Variants in RAB3B observed in about 807,000 individuals in gnomAD.
RAB3B encodes RAB3B, member RAS oncogene family, also known as ras-related protein Rab-3B.
A neutral mutation model predicts 20.5 loss-of-function variants in RAB3B; 11 were observed. The ratio of observed to expected loss-of-function variants is 0.54; its 90% CI spans 0.34 to 0.89. The LOEUF (loss-of-function observed/expected upper bound fraction) is 0.89. Among genes scored for constraint, RAB3B ranks in the 40% least tolerant of loss-of-function variants. RAB3B has a pLI of 0.02. For missense variants in RAB3B, 225 were observed against 280.9 expected (o/e 0.80, Z 1.42); for synonymous variants, 99 against 106.3 (o/e 0.93, Z 0.42).
chr1:51,974,827 A>G (rs902166021), intron 2 of RAB3B, among the ~76,000 whole-genome samples: 1 of 152,242 alleles, frequency 6.6e-6, no homozygotes, highest in African/African-American at 2.4e-5. Flanking sequence ...AATAATTTGT[A>G]AAAAGAAAAG....
At chr1:51,974,788 T>C (rs1557976669) in intron 2 of RAB3B, among the ~76,000 whole-genome samples, 2 of 152,260 alleles carry the variant, frequency 1.3e-5, no homozygotes, top group Non-Finnish European at 2.9e-5. Flanking sequence ...ACCTACTTCA[T>C]AGTGTTAATT....
At chr1:51,960,157 A>C (rs922595021) in intron 2 of RAB3B, among the ~76,000 whole-genome samples, 10 of 152,258 alleles carry the variant, frequency 6.6e-5, no homozygotes, top group African/African-American at 2.4e-4. Flanking sequence ...GAAAGGGCAA[A>C]GGAGAGAGCT....
chr1:51,968,877 T>A (rs1466086676), intron 2 of RAB3B, among the ~76,000 whole-genome samples: 1 of 152,226 alleles, frequency 6.6e-6, no homozygotes, highest in Non-Finnish European at 1.5e-5. Flanking sequence ...GTTACTCACA[T>A]CACTGTGGAA....
chr1:51,950,330 A>G (rs1684621116), intron 2 of RAB3B, among the ~76,000 whole-genome samples: 1 of 152,146 alleles, frequency 6.6e-6, no homozygotes, highest in South Asian at 2.1e-4. Flanking sequence ...CACTGTACAC[A>G]TCACATTTGT....
At chr1:51,925,970 G>C (rs1404708301) in intron 4 of RAB3B, among the ~76,000 whole-genome samples, 1 of 152,202 alleles carries the variant, frequency 6.6e-6, no homozygotes, top group Admixed American at 6.5e-5. Flanking sequence ...CCCCTGCTGG[G>C]GGGCCAGCTG....
chr1:51,916,073 C>T lies in RAB3B; in HGVS notation c.*3854G>A, dbSNP rs1684080610. 6.6e-6 allele frequency: 1 copy of T among 152,252 alleles called. No individual in the cohort carries two copies. The highest frequency in any genetic ancestry group is 2.4e-5 in the African/African-American group (1 of 41,462). 9.4% of individuals were successfully genotyped at this position (152,252 alleles called of 1,614,324 possible). ...GACAAGTTGCCACTAACACATATTA[C>T]ACAGCTTGAACCTTGGTGGCTAATT... On this transcript the variant is annotated 3_prime_UTR_variant, in exon 5 of 5. Coordinates refer to ENST00000371655, the MANE Select transcript of RAB3B (RefSeq NM_002867.4).
In RAB3B at chr1:51,933,336, G is replaced by A. The variant is rs758415717; in HGVS notation, c.454C>T (p.Leu152Phe). 1.7e-5 allele frequency: 27 copies of A among 1,613,890 alleles called. No individual in the cohort carries two copies. Among genetic ancestry groups the A allele is most frequent in the Admixed American group, 6.7e-5 (4 of 59,986 alleles). ...TACATACCAAGCTGCTCTGCAAGGAGCTGGCCCTTCTCAGTGGGAACAACC... is the reference window on the plus strand; with the variant it reads ...TACATACCAAGCTGCTCTGCAAGGAACTGGCCCTTCTCAGTGGGAACAACC... ...ERVVPTEKGQ[L>F]LAEQLGFDFF... Residue 152 changes from leucine to phenylalanine, a missense_variant, in exon 4 of 5, where the codon CTC (leucine) becomes TTC (phenylalanine). Transcript: ENST00000371655.
Position 51,959,747 on chromosome 1 carries a change from T to C in RAB3B, c.228+17143A>G, listed in dbSNP as rs929372135. 2.6e-5 allele frequency among the ~76,000 whole-genome samples: 4 copies of C among 152,152 alleles called. No homozygotes were observed. In the East Asian group the frequency reaches 7.7e-4, roughly 29 times the overall value. The stretch of plus-strand genomic sequence containing the variant: ...ATAAACTAGGGATGTTAGCTAATAA[T>C]AGTATATCGATATTGGTTAATTATA... On this transcript the variant is annotated intron_variant, in intron 2 of 4. Transcript: ENST00000371655.
intron 2 of RAB3B, among the ~76,000 whole-genome samples, chr1:51,975,789 C>T (rs996359504): frequency 3.3e-5 from 5 of 152,022 alleles, no homozygotes; most frequent in Non-Finnish European, 5.9e-5. Context: ...GTCAGGAGTT[C>T]GAGACCAGCC....
intron 2 of RAB3B, among the ~76,000 whole-genome samples, chr1:51,954,507 G>A (rs967334828): frequency 6.6e-6 from 1 of 152,164 alleles, no homozygotes; most frequent in African/African-American, 2.4e-5. Flanking sequence ...AGTAAGCACT[G>A]GCAGTTGCTA....
chr1:51,950,483 C>T (rs1365352425), intron 2 of RAB3B, among the ~76,000 whole-genome samples: 1 of 152,184 alleles, frequency 6.6e-6, no homozygotes, highest in Non-Finnish European at 1.5e-5. Flanking sequence ...AAAAGAAACT[C>T]AAGGGCTGAC....
intron 2 of RAB3B, among the ~76,000 whole-genome samples, chr1:51,946,798 CTTATT>C (rs1213197482): frequency 1.3e-5 from 2 of 152,250 alleles, no homozygotes; most frequent in Admixed American, 6.5e-5. Context: ...AGGCACCTTT[CTTATT>C]TTATTTTATT....
intron 4 of RAB3B, among the ~76,000 whole-genome samples, chr1:51,925,531 TC>T (rs1461896165): frequency 6.6e-6 from 1 of 152,138 alleles, no homozygotes; most frequent in East Asian, 1.9e-4. Context: ...TGGTCTCTAC[TC>T]CCCCAGCTTC....
At chr1:51,973,982 T>C (rs1205134804) in intron 2 of RAB3B, among the ~76,000 whole-genome samples, 1 of 152,176 alleles carries the variant, frequency 6.6e-6, no homozygotes, top group East Asian at 1.9e-4. Context: ...GCTCTAATAA[T>C]TTCTTCAGTT....
intron 1 of RAB3B, among the ~76,000 whole-genome samples, chr1:51,979,288 G>C (rs1469237963): frequency 6.8e-5 from 9 of 133,194 alleles, no homozygotes; most frequent in African/African-American, 2.6e-4. Context: ...TTTTTTTTCT[G>C]AGATGGAGTC....
chr1:51,953,175 T>A (rs1557970463), intron 2 of RAB3B, among the ~76,000 whole-genome samples: 2 of 152,188 alleles, frequency 1.3e-5, no homozygotes, highest in East Asian at 1.9e-4. Context: ...AAATTTAGCA[T>A]CAGAGTTGCC....
rs1684119252 is a variant in RAB3B at position 51,918,493 on chromosome 1, T to C, written c.*1434A>G. 1 of 152,150 alleles carries C rather than the reference T, an allele frequency of 6.6e-6. No homozygotes were observed. Among genetic ancestry groups the C allele is most frequent in the African/African-American group, 2.4e-5 (1 of 41,418 alleles). 9.4% of individuals were successfully genotyped at this position (152,150 alleles called of 1,614,324 possible). A position where few individuals can be genotyped will look rare whatever the true frequency, so the allele number is the denominator to read the frequency against. ...CACAGGGCAGAGGGAGCACAGACTG[T>C]GAAGTCTCTGACAGCAGAGCTGGTA... On this transcript the variant is annotated 3_prime_UTR_variant, in exon 5 of 5. Transcript: ENST00000371655.
intron 2 of RAB3B, among the ~76,000 whole-genome samples, chr1:51,962,752 C>T (rs569316768): frequency 1.5e-4 from 23 of 152,274 alleles, no homozygotes; most frequent in African/African-American, 5.5e-4. Flanking sequence ...CTCATCCGAA[C>T]GTTTCTTTTA....
chr1:51,922,675 T>C (rs1219105808), intron 4 of RAB3B, among the ~76,000 whole-genome samples: 1 of 122,078 alleles, frequency 8.2e-6, no homozygotes, highest in Non-Finnish European at 1.7e-5. Flanking sequence ...AAGCCAGGTC[T>C]TTTTTTTTTT....
Sources: gnomAD v4.1 joint callset for allele counts (sites outside exome capture counted in the v4.1 genomes callset) on GRCh38, gnomAD v4.1.1 for gene constraint, MANE v1.5 for transcripts, NCBI Gene and HGNC (gene_info 2026-07-23, HGNC 2026-07-21) for gene names.